The following ZNF346 variants were observed in gnomAD, a reference collection of about 807,000 sequenced individuals.
The protein encoded by ZNF346 is double-stranded RNA-binding zinc finger protein JAZ.
ZNF346 carries 23 observed loss-of-function variants against 33.7 expected under a neutral mutation model. That is an observed-to-expected ratio of 0.68 (90% confidence interval 0.49 to 0.97). The LOEUF is 0.97. ZNF346 is among the 50% of genes least tolerant of loss of function. The probability of loss-of-function intolerance (pLI) is 0.00; values close to 1 mark genes in which losing one functional copy is unlikely to be tolerated. For missense variants in ZNF346, 340 were observed against 371.1 expected (o/e 0.92, Z 0.69); for synonymous variants, 134 against 142.4 (o/e 0.94, Z 0.42).
At chr5:177,028,876 C>T (rs1777273905) in intron 1 of ZNF346, among the ~76,000 whole-genome samples, 1 of 151,564 alleles carries the variant, frequency 6.6e-6, no homozygotes, top group African/African-American at 2.4e-5. Flanking sequence ...CCCACCACCA[C>T]ACCTGGCTAA....
Position 177,065,142 on chromosome 5 carries a change from T to C in ZNF346, c.*543T>C, listed in dbSNP as rs1288292513. 1 of 153,292 alleles carries C rather than the reference T, an allele frequency of 6.5e-6. No individual in the cohort carries two copies. Among genetic ancestry groups the C allele is most frequent in the Non-Finnish European group, 1.5e-5 (1 of 68,530 alleles). 9.5% of individuals were successfully genotyped at this position (153,292 alleles called of 1,614,324 possible). On this transcript the variant is annotated 3_prime_UTR_variant, in exon 7 of 7. Transcript: ENST00000358149. ...TGAGTCTTAGACCAGATATGGCCAG[T>C]TGCGCAGGTTTCTGCCAACTGTGAA...
At chr5:177,039,418 A>T (rs1779041393) in intron 1 of ZNF346, among the ~76,000 whole-genome samples, 1 of 152,042 alleles carries the variant, frequency 6.6e-6, no homozygotes, top group Admixed American at 6.6e-5. Flanking sequence ...GAGACATCTT[A>T]AAAGCTCCCC....
chr5:177,036,807 A>G (rs1315734175), intron 1 of ZNF346, among the ~76,000 whole-genome samples: 1 of 152,108 alleles, frequency 6.6e-6, no homozygotes, highest in African/African-American at 2.4e-5. Flanking sequence ...TTCTTGCCAG[A>G]GTTTCTACAC....
intron 1 of ZNF346, among the ~76,000 whole-genome samples, chr5:177,025,116 T>A (rs1231997928): frequency 6.6e-6 from 1 of 152,164 alleles, no homozygotes; most frequent in African/African-American, 2.4e-5. Context: ...TTATATTAAA[T>A]CCCCACTCCC....
chr5:177,041,755 A>G lies in ZNF346; in HGVS notation c.280-23A>G, dbSNP rs551118096. 99 of 1,515,680 alleles carry G rather than the reference A, an allele frequency of 6.5e-5. No individual in the cohort carries two copies. In the Admixed American group the frequency reaches 1.7e-3, roughly 25 times the overall value. 93.9% of individuals were successfully genotyped at this position (1,515,680 alleles called of 1,614,324 possible). On this transcript the variant is annotated intron_variant, in intron 2 of 6. Coordinates refer to ENST00000358149, the MANE Select transcript of ZNF346 (RefSeq NM_012279.4). ...ATGAAGTAGCATTTGGCTATCTTTG[A>G]TCTTTCTCCTGGGTTTTTGCAGAGC...
chr5:177,056,502 C>T (rs1184980741), intron 5 of ZNF346, among the ~76,000 whole-genome samples: 1 of 152,176 alleles, frequency 6.6e-6, no homozygotes, highest in Non-Finnish European at 1.5e-5. Context: ...ATAGCAAAGA[C>T]TTGGAACCAA....
chr5:177,062,276 A>T (rs1782648103), intron 6 of ZNF346, 125 bp downstream of exon 6: 1 of 736,258 alleles, frequency 1.4e-6, no homozygotes, highest in East Asian at 2.5e-5. Context: ...TGAACAGAAG[A>T]TGAATCATGT....
At chr5:177,054,875 C>T (rs1209277849) in intron 5 of ZNF346, among the ~76,000 whole-genome samples, 1 of 152,010 alleles carries the variant, frequency 6.6e-6, no homozygotes, top group Non-Finnish European at 1.5e-5. Flanking sequence ...ATTCAATTTA[C>T]TTAGATTTCT....
chr5:177,050,973 G>A (rs747444735), intron 5 of ZNF346, 37 bp downstream of exon 5: 2 of 1,577,664 alleles, frequency 1.3e-6, no homozygotes, highest in South Asian at 2.2e-5. Context: ...GCTGGACCAG[G>A]GTTTGGCCAC....
chr5:177,023,862 C>A (rs149972739), intron 1 of ZNF346, among the ~76,000 whole-genome samples: 1,724 of 152,032 alleles, frequency 0.011, 91 homozygotes, highest in Admixed American at 0.08. Context: ...TATTTGTGAA[C>A]TGACTGCCCT....
chr5:177,036,456 A>G (rs1398548742), intron 1 of ZNF346, among the ~76,000 whole-genome samples: 1 of 152,062 alleles, frequency 6.6e-6, no homozygotes, highest in Non-Finnish European at 1.5e-5. Flanking sequence ...GTATTGTTGG[A>G]TCTGTGTGTT....
intron 1 of ZNF346, among the ~76,000 whole-genome samples, chr5:177,025,447 G>A (rs1459440001): frequency 6.6e-6 from 1 of 151,442 alleles, no homozygotes; most frequent in Non-Finnish European, 1.5e-5. Context: ...GGGTCATATC[G>A]TAACTCTGAC....
At chr5:177,036,678 C>T (rs895023655) in intron 1 of ZNF346, among the ~76,000 whole-genome samples, 1 of 152,222 alleles carries the variant, frequency 6.6e-6, no homozygotes, top group Non-Finnish European at 1.5e-5. Context: ...AAGCCTTTCA[C>T]TCTTCCTGCT....
At chr5:177,028,492 C>A (rs1241873370) in intron 1 of ZNF346, among the ~76,000 whole-genome samples, 1 of 33,068 alleles carries the variant, frequency 3.0e-5, no homozygotes, top group East Asian at 1.0e-3. Flanking sequence ...GCACTTGTGA[C>A]GTTTTATATA....
intron 1 of ZNF346, among the ~76,000 whole-genome samples, chr5:177,028,860 T>C (rs913383986): frequency 6.6e-6 from 1 of 151,198 alleles, no homozygotes; most frequent in Non-Finnish European, 1.5e-5. Context: ...GCTGGGACTA[T>C]AGGCGCCCAC....
intron 4 of ZNF346, among the ~76,000 whole-genome samples, chr5:177,047,346 T>TG (rs201448764): frequency 3.1e-4 from 47 of 151,426 alleles, no homozygotes; most frequent in African/African-American, 9.7e-4. Context: ...TTTTGTTTTT[T>TG]TTTTTTTTTG....
intron 1 of ZNF346, among the ~76,000 whole-genome samples, chr5:177,036,144 G>T (rs1337414339): frequency 1.3e-5 from 2 of 152,076 alleles, no homozygotes; most frequent in African/African-American, 4.8e-5. Context: ...GGGAGCTAGA[G>T]CTGAAACAAC....
At chr5:177,060,818 AAAT>A (rs1446943782) in intron 5 of ZNF346, among the ~76,000 whole-genome samples, 1 of 116,332 alleles carries the variant, frequency 8.6e-6, no homozygotes, top group African/African-American at 4.5e-5. Context: ...CTAAATAAAT[AAAT>A]AAGTTGTGGG....
intron 4 of ZNF346, among the ~76,000 whole-genome samples, chr5:177,048,913 T>C (rs1780484594): frequency 6.6e-6 from 1 of 151,572 alleles, no homozygotes; most frequent in African/African-American, 2.4e-5. Flanking sequence ...GCCTCCTGAG[T>C]AGCTGGGATT....
Sources: gnomAD v4.1 joint callset for allele counts (sites outside exome capture counted in the v4.1 genomes callset) on GRCh38, gnomAD v4.1.1 for gene constraint, MANE v1.5 for transcripts, NCBI Gene and HGNC (gene_info 2026-07-23, HGNC 2026-07-21) for gene names.